LMF1: variants seen among roughly 807,000 people sequenced by gnomAD.
The protein encoded by LMF1 is transmembrane protein 112.
Under a neutral mutation model 60.6 loss-of-function variants are expected in LMF1, and 68 were observed. The observed-to-expected ratio is 1.12, with a 90% CI of 0.92 to 1.37. The LOEUF (loss-of-function observed/expected upper bound fraction) is 1.37, where lower values mean the gene tolerates loss of function less well. LMF1 is among the 40% of genes most tolerant of loss of function. LMF1 has a pLI of 0.00. For synonymous variants in LMF1, 418 were observed against 324.7 expected (o/e 1.29, Z -3.09); for missense variants, 948 against 767.2 (o/e 1.24, Z -2.78).
intron 3 of LMF1, chr16:921,176 G>GT (rs936472626): frequency 1.3e-5 from 2 of 152,278 alleles, no homozygotes; most frequent in African/African-American, 4.8e-5. Flanking sequence ...AGGTAAGACT[G>GT]TGAGTCAAGC....
chr16:861,099 C>A (rs1596838501), intron 10 of LMF1, among the ~76,000 whole-genome samples: 1 of 152,096 alleles, frequency 6.6e-6, no homozygotes, highest in African/African-American at 2.4e-5. Flanking sequence ...ATCTTCCAAC[C>A]CACGAACGCG....
At chr16:926,250 G>A (rs2071597188) in intron 3 of LMF1, among the ~76,000 whole-genome samples, 1 of 152,014 alleles carries the variant, frequency 6.6e-6, no homozygotes, top group South Asian at 2.1e-4. Flanking sequence ...GCATACGTAT[G>A]TCTGTGTGTG....
rs144994857 is a variant in LMF1, at chr16:910,912, G to A, written c.663+19C>T. On this transcript the variant is annotated intron_variant, in intron 4 of 10. Transcript: ENST00000262301. ...GCCACCGTTATTCCCCAAACACCAC[G>A]CAGAAGAGCTCCACTTACTGCTCCA... The A allele has an allele frequency of 2.7e-4, 433 of 1,612,000 alleles. No homozygotes were observed. The African/African-American group carries it at 4.4e-3, about 16-fold the overall frequency.
At chr16:889,616 C>A (rs1374146965) in intron 5 of LMF1, among the ~76,000 whole-genome samples, 2 of 152,282 alleles carry the variant, frequency 1.3e-5, no homozygotes. Context: ...AAGGGGCACC[C>A]CCCTCTGACT....
chr16:887,809 T>C (rs2151724835), intron 5 of LMF1, among the ~76,000 whole-genome samples: 1 of 152,136 alleles, frequency 6.6e-6, no homozygotes, highest in African/African-American at 2.4e-5. Context: ...GGGGCAGTGC[T>C]TCCGGATCAC....
chr16:867,284 T>C (rs1567147742), intron 10 of LMF1, among the ~76,000 whole-genome samples: 1 of 152,248 alleles, frequency 6.6e-6, no homozygotes, highest in South Asian at 2.1e-4. Context: ...TGGATGGACC[T>C]GAAGCTGCTC....
chr16:904,328 TGC>T (rs2070911968), intron 4 of LMF1, among the ~76,000 whole-genome samples: 1 of 119,968 alleles, frequency 8.3e-6, no homozygotes, highest in African/African-American at 3.3e-5. Flanking sequence ...CTGTCTCTGC[TGC>T]GTGGTGGTGA....
At position 874,871 on chromosome 16, in the gene LMF1, C is replaced by T. The variant is rs76779603; in HGVS notation, c.898-3530G>A. Reference sequence around the variant, plus strand: ...CAGGACACTACAATGTTAGAGGGCGCGGGTCACTCTCAGCCCCACACCATA... The same window carrying T: ...CAGGACACTACAATGTTAGAGGGCGTGGGTCACTCTCAGCCCCACACCATA... On this transcript the variant is annotated intron_variant, in intron 6 of 10. Transcript: ENST00000262301. The surrounding 1 kb of genome is among the most constrained non-coding windows in gnomAD (Gnocchi z 4.1). Among the ~76,000 whole-genome samples, 706 of 152,248 alleles carry T rather than the reference C, an allele frequency of 4.6e-3. 9 individuals are homozygous for T. The East Asian group carries it at 0.047, about 10-fold the overall frequency.
intron 1 of LMF1, among the ~76,000 whole-genome samples, chr16:955,929 G>A (rs1056627277): frequency 6.6e-6 from 1 of 152,014 alleles, no homozygotes; most frequent in Non-Finnish European, 1.5e-5. Context: ...CCGAGTTCAC[G>A]TCTCACGGCG....
chr16:945,875 A>T (rs1326278542), intron 2 of LMF1, among the ~76,000 whole-genome samples: 7 of 152,206 alleles, frequency 4.6e-5, no homozygotes, highest in African/African-American at 1.4e-4. Flanking sequence ...GACGCAGGAG[A>T]CTGGGTTGCC....
At chr16:942,945 C>T (rs1004103106) in intron 2 of LMF1, among the ~76,000 whole-genome samples, 1 of 152,248 alleles carries the variant, frequency 6.6e-6, no homozygotes, top group African/African-American at 2.4e-5. Flanking sequence ...ATAATTTCTA[C>T]AGATTTCTCT....
chr16:856,799 A>G (rs1180062627), intron 10 of LMF1, among the ~76,000 whole-genome samples: 1 of 152,232 alleles, frequency 6.6e-6, no homozygotes, highest in African/African-American at 2.4e-5. Flanking sequence ...GGAGGGCTTG[A>G]GAGTGTTGAA....
intron 6 of LMF1, chr16:871,928 CAGCACGGCTGGGA>C (rs2069807357): frequency 6.6e-6 from 1 of 152,608 alleles, no homozygotes; most frequent in South Asian, 2.1e-4. Context: ...GCTGGCTGAG[CAGCACGGCTGGGA>C]GAGCTCCAAG....
intron 3 of LMF1, among the ~76,000 whole-genome samples, chr16:930,211 T>C (rs12935707): frequency 1.9e-4 from 19 of 101,512 alleles, no homozygotes; most frequent in Admixed American, 4.0e-4. Context: ...TGAACAGGGG[T>C]GCAGGGCCCT....
At chr16:958,612 C>T (rs113295823) in intron 1 of LMF1, among the ~76,000 whole-genome samples, 7,522 of 152,216 alleles carry the variant, frequency 0.049, 208 homozygotes, top group Non-Finnish European at 0.066. Flanking sequence ...CCAGGCCGGG[C>T]GCGGTGGCTC....
chr16:866,505 G>C (rs952500386), intron 10 of LMF1, among the ~76,000 whole-genome samples: 6 of 152,096 alleles, frequency 3.9e-5, no homozygotes, highest in African/African-American at 7.2e-5. Flanking sequence ...CCAGGGGTTG[G>C]GGGAGTCCAG....
rs886617923 is a variant in LMF1, at chr16:854,006, A to C, written c.*526T>G. The stretch of plus-strand genomic sequence containing the variant: ...GACAGAAAATGGCCCATCCAACCCC[A>C]CATCCTGGCCGGGCGTGTCCAGGTC... On this transcript the variant is annotated 3_prime_UTR_variant, in exon 11 of 11. Transcript: ENST00000262301. The C allele has an allele frequency of 3.7e-5, 17 of 454,118 alleles. No homozygotes were observed. The highest frequency in any genetic ancestry group is 2.2e-4 in the African/African-American group (11 of 50,098). The allele number at this position is 454,118 out of a possible 1,614,324, so 28.1% of individuals were successfully genotyped here. A position where few individuals can be genotyped will look rare whatever the true frequency, so the allele number is the denominator to read the frequency against.
chr16:861,857 C>T (rs894853039), intron 10 of LMF1, among the ~76,000 whole-genome samples: 3 of 152,202 alleles, frequency 2.0e-5, no homozygotes, highest in Admixed American at 1.3e-4. Flanking sequence ...TTTCTTGTTC[C>T]GGATCTGAAT....
intron 10 of LMF1, among the ~76,000 whole-genome samples, chr16:865,344 A>G (rs978568994): frequency 6.6e-6 from 1 of 152,066 alleles, no homozygotes; most frequent in Non-Finnish European, 1.5e-5. Context: ...TATTGTATTT[A>G]CCCATGTCTT....
Sources: allele counts gnomAD v4.1 joint callset (sites outside exome capture counted in the v4.1 genomes callset), GRCh38; gene constraint gnomAD v4.1.1; non-coding constraint Gnocchi (gnomAD v3.1); transcripts MANE v1.5; gene names NCBI Gene and HGNC (gene_info 2026-07-23, HGNC 2026-07-21).